Variants in ATP10D observed in about 807,000 individuals in gnomAD.
ATP10D encodes phospholipid-transporting ATPase VD.
Under a neutral mutation model 144.8 loss-of-function variants are expected in ATP10D, and 89 were observed. The observed-to-expected ratio is 0.61, with a 90% CI of 0.52 to 0.73. ATP10D has a LOEUF of 0.73. Among genes scored for constraint, ATP10D ranks in the 30% least tolerant of loss-of-function variants. The pLI is 0.00. For missense variants in ATP10D, 1,603 were observed against 1,714.8 expected (o/e 0.93, Z 1.15); for synonymous variants, 571 against 615.1 (o/e 0.93, Z 1.06).
intron 5 of ATP10D, among the ~76,000 whole-genome samples, chr4:47,534,053 A>C (rs1717700761): frequency 6.6e-6 from 1 of 152,136 alleles, no homozygotes; most frequent in African/African-American, 2.4e-5. Flanking sequence ...CAGGATCAAA[A>C]CAAGGTCTAC....
intron 15 of ATP10D, among the ~76,000 whole-genome samples, chr4:47,565,185 C>T (rs1413981928): frequency 6.6e-6 from 1 of 152,154 alleles, no homozygotes; most frequent in Non-Finnish European, 1.5e-5. Flanking sequence ...TGGTCTCGAC[C>T]TCCTGACCTC....
Position 47,591,386 on chromosome 4 carries a change from C to T in ATP10D, c.*5C>T, listed in dbSNP as rs758084796. ...TCCAAAGGTAAAGAAAGCTAGATAC[C>T]CTCCTTGGAGTTGCAAGTATTCTTT... On this transcript the variant is annotated 3_prime_UTR_variant, in exon 23 of 23. Coordinates refer to ENST00000273859, the MANE Select transcript of ATP10D (RefSeq NM_020453.4). The T allele has an allele frequency of 5.7e-6, 9 of 1,576,386 alleles. No homozygotes were observed. The African/African-American group carries it at 1.2e-4, about 22-fold the overall frequency.
chr4:47,546,599 A>G (rs1718444718), intron 9 of ATP10D, 25 bp from the exon 10 acceptor site: 3 of 1,599,656 alleles, frequency 1.9e-6, no homozygotes, highest in African/African-American at 2.7e-5. Context: ...TCAGACATTG[A>G]CTCAGTGTGC....
At chr4:47,520,814 C>A (rs1297631041) in intron 3 of ATP10D, among the ~76,000 whole-genome samples, 1 of 152,020 alleles carries the variant, frequency 6.6e-6, no homozygotes, top group Non-Finnish European at 1.5e-5. Flanking sequence ...TGATCCGCCC[C>A]CCTCGGCCTC....
chr4:47,530,067 G>C (rs143133098), intron 5 of ATP10D, among the ~76,000 whole-genome samples: 2 of 152,184 alleles, frequency 1.3e-5, no homozygotes, highest in East Asian at 3.9e-4. Context: ...GGTTTTCTAG[G>C]TATAAGAACA....
In ATP10D at chr4:47,573,016, T is replaced by C. The variant is rs765569617; in HGVS notation, c.3366+19T>C. ...GAATGTGGTATGTAACCCCAGAGAATTTGTCCCTTTTCCCTTCGTACCTTC... is the reference window on the plus strand; with the variant it reads ...GAATGTGGTATGTAACCCCAGAGAACTTGTCCCTTTTCCCTTCGTACCTTC... On this transcript the variant is annotated intron_variant, in intron 18 of 22. Transcript: ENST00000273859. 4 of 1,613,434 alleles carry C rather than the reference T, an allele frequency of 2.5e-6. No homozygotes were observed. In the Admixed American group the frequency reaches 5.0e-5, roughly 20 times the overall value.
intron 5 of ATP10D, among the ~76,000 whole-genome samples, chr4:47,531,639 C>T (rs1717575012): frequency 6.6e-6 from 1 of 152,170 alleles, no homozygotes; most frequent in Non-Finnish European, 1.5e-5. Context: ...GCAGCTGCCC[C>T]TCTCTCATCA....
chr4:47,525,182 T>G (rs1717177304), intron 4 of ATP10D, among the ~76,000 whole-genome samples: 1 of 152,220 alleles, frequency 6.6e-6, no homozygotes, highest in South Asian at 2.1e-4. Flanking sequence ...AGTGTTCACA[T>G]ATACATTTAA....
At chr4:47,577,603 A>G (rs1163491874) in intron 19 of ATP10D, among the ~76,000 whole-genome samples, 2 of 152,250 alleles carry the variant, frequency 1.3e-5, no homozygotes, top group Non-Finnish European at 2.9e-5. Flanking sequence ...AGAATTAACC[A>G]GAAATTTGAG....
At chr4:47,525,768 C>T (rs1319760657) in intron 5 of ATP10D, 126 bp downstream of exon 5, 2 of 712,776 alleles carry the variant, frequency 2.8e-6, no homozygotes, top group South Asian at 3.8e-5. Flanking sequence ...ACTTTAGCCA[C>T]CTACTAAAAT....
chr4:47,494,945 T>C (rs4292304), intron 1 of ATP10D, among the ~76,000 whole-genome samples: 12,673 of 152,256 alleles, frequency 0.083, 595 homozygotes, highest in East Asian at 0.13. Context: ...TATATTGACA[T>C]TTAAGTATGC....
intron 20 of ATP10D, among the ~76,000 whole-genome samples, chr4:47,581,559 A>G (rs1434226896): frequency 1.3e-5 from 2 of 152,232 alleles, no homozygotes; most frequent in Admixed American, 1.3e-4. Context: ...AAATTGTGTC[A>G]TTAGAGGAAT....
intron 1 of ATP10D, among the ~76,000 whole-genome samples, chr4:47,502,268 G>C (rs533543890): frequency 6.6e-6 from 1 of 152,162 alleles, no homozygotes; most frequent in Admixed American, 6.5e-5. Context: ...AGGTCAGATC[G>C]AGACCATCCT....
At chr4:47,534,089 T>C (rs1717703192) in intron 5 of ATP10D, among the ~76,000 whole-genome samples, 1 of 152,200 alleles carries the variant, frequency 6.6e-6, no homozygotes, top group African/African-American at 2.4e-5. Context: ...GGTATGTCTC[T>C]ACATTTCCTC....
chr4:47,526,289 A>G (rs148040187), intron 5 of ATP10D, among the ~76,000 whole-genome samples: 27 of 152,356 alleles, frequency 1.8e-4, no homozygotes, highest in African/African-American at 5.8e-4. Context: ...CCATTCTGGT[A>G]CTATATTAAC....
At chr4:47,570,870 A>G (rs903371005) in intron 16 of ATP10D, among the ~76,000 whole-genome samples, 3 of 152,190 alleles carry the variant, frequency 2.0e-5, no homozygotes, top group African/African-American at 7.2e-5. Context: ...CTTGACACCA[A>G]AGAATGAGTA....
At chr4:47,555,396 T>C (rs1378518143) in intron 11 of ATP10D, among the ~76,000 whole-genome samples, 1 of 152,150 alleles carries the variant, frequency 6.6e-6, no homozygotes, top group Non-Finnish European at 1.5e-5. Context: ...GCCAAAAAGG[T>C]TGAGGACCGC....
Position 47,573,007 on chromosome 4 carries a change from C to A in ATP10D, c.3366+10C>A. 6.2e-7 allele frequency: 1 copy of A among 1,613,712 alleles called. No individual in the cohort carries two copies. Among genetic ancestry groups the A allele is most frequent in the Non-Finnish European group, 8.5e-7 (1 of 1,179,740 alleles). ...TTTCTATAAGAATGTGGTATGTAACCCCAGAGAATTTGTCCCTTTTCCCTT... is the reference window on the plus strand; with the variant it reads ...TTTCTATAAGAATGTGGTATGTAACACCAGAGAATTTGTCCCTTTTCCCTT... On this transcript the variant is annotated intron_variant, in intron 18 of 22. Transcript: ENST00000273859.
intron 1 of ATP10D, among the ~76,000 whole-genome samples, chr4:47,502,463 A>C (rs1715747654): frequency 7.2e-6 from 1 of 138,940 alleles, no homozygotes; most frequent in Non-Finnish European, 1.6e-5. Context: ...GAGTGAGACT[A>C]CGTCTCATAA....
Sources: gnomAD v4.1 joint callset for allele counts (sites outside exome capture counted in the v4.1 genomes callset) on GRCh38, gnomAD v4.1.1 for gene constraint, MANE v1.5 for transcripts, NCBI Gene and HGNC (gene_info 2026-07-23, HGNC 2026-07-21) for gene names.